Variants in GRID2 observed in about 807,000 individuals in gnomAD.
The protein encoded by GRID2 is glutamate receptor ionotropic, delta-2.
In GRID2, 33 loss-of-function variants were observed where a neutral mutation model predicts 114.8. The observed-to-expected ratio is 0.29, with a 90% CI of 0.22 to 0.38. GRID2 has a LOEUF of 0.38. Among genes scored for constraint, GRID2 ranks in the 10% least tolerant of loss-of-function variants. GRID2 has a pLI of 1.00. For synonymous variants in GRID2, 505 were observed against 449.9 expected, an observed-to-expected ratio of 1.12 and a Z score of -1.55; for missense variants, 1,184 against 1,257.7, an observed-to-expected ratio of 0.94 and a Z score of 0.89.
At chr4:92,724,961 A>C (rs1579920753) in intron 2 of GRID2, among the ~76,000 whole-genome samples, 1 of 152,294 alleles carries the variant, frequency 6.6e-6, no homozygotes, top group East Asian at 1.9e-4. Flanking sequence ...CATGATTGAC[A>C]GTAGCCAAGA....
intron 8 of GRID2, among the ~76,000 whole-genome samples, chr4:93,299,519 G>A (rs904106425): frequency 7.6e-6 from 1 of 131,288 alleles, no homozygotes; most frequent in Admixed American, 8.9e-5. Context: ...ATGGACACAG[G>A]AAGGGGAACA....
intron 1 of GRID2, among the ~76,000 whole-genome samples, chr4:92,410,409 A>G (rs967947034): frequency 1.3e-5 from 2 of 152,212 alleles, no homozygotes; most frequent in South Asian, 4.1e-4. Flanking sequence ...TAGTTGAGAG[A>G]TACAATTCAT....
At chr4:92,383,596 CAT>C (rs1253136643) in intron 1 of GRID2, among the ~76,000 whole-genome samples, 2 of 151,914 alleles carry the variant, frequency 1.3e-5, no homozygotes, top group Non-Finnish European at 2.9e-5. Context: ...TTCTAAATAA[CAT>C]AGTATGTTTT....
At chr4:92,453,409 G>A (rs146829455) in intron 1 of GRID2, among the ~76,000 whole-genome samples, 43 of 152,178 alleles carry the variant, frequency 2.8e-4, no homozygotes, top group African/African-American at 9.9e-4. Context: ...AGCAGAGAAT[G>A]GGTTCATACA....
chr4:92,882,861 C>T (rs184615689), intron 2 of GRID2, among the ~76,000 whole-genome samples: 4 of 152,244 alleles, frequency 2.6e-5, no homozygotes, highest in Admixed American at 2.0e-4. Flanking sequence ...ATAATTTGAG[C>T]CTTCAACAAG....
chr4:93,090,202 G>T (rs1179108499), intron 3 of GRID2, among the ~76,000 whole-genome samples: 2 of 152,104 alleles, frequency 1.3e-5, no homozygotes, highest in Non-Finnish European at 2.9e-5. Context: ...TATTTAAAGA[G>T]ACTATAAACA....
chr4:92,869,549 C>G (rs1213952280), intron 2 of GRID2, among the ~76,000 whole-genome samples: 1 of 152,072 alleles, frequency 6.6e-6, no homozygotes, highest in Admixed American at 6.6e-5. Flanking sequence ...CATGGTAGAT[C>G]TAACATTCTT....
intron 2 of GRID2, among the ~76,000 whole-genome samples, chr4:92,776,202 A>G (rs1738784738): frequency 6.6e-6 from 1 of 152,166 alleles, no homozygotes; most frequent in Non-Finnish European, 1.5e-5. Context: ...TATACTTTGT[A>G]AAATAAATAA....
chr4:93,504,756 T>C (rs1044865077), intron 12 of GRID2, among the ~76,000 whole-genome samples: 1 of 151,904 alleles, frequency 6.6e-6, no homozygotes, highest in African/African-American at 2.4e-5. Context: ...TACCATGACC[T>C]ACTTAGAAGG....
intron 1 of GRID2, among the ~76,000 whole-genome samples, chr4:92,491,346 C>A (rs1374775193): frequency 1.3e-5 from 2 of 152,102 alleles, no homozygotes; most frequent in Non-Finnish European, 2.9e-5. Flanking sequence ...AGCTCCGGTC[C>A]TGTTTTGTGC....
At chr4:93,696,092 T>C (rs990608230) in intron 14 of GRID2, among the ~76,000 whole-genome samples, 3 of 152,240 alleles carry the variant, frequency 2.0e-5, no homozygotes, top group Non-Finnish European at 4.4e-5. Flanking sequence ...TATGAAATTC[T>C]ATTTCCAAAG....
chr4:92,681,886 G>A (rs368057992), intron 2 of GRID2, among the ~76,000 whole-genome samples: 7 of 151,802 alleles, frequency 4.6e-5, no homozygotes, highest in Non-Finnish European at 7.4e-5. Context: ...TTTTCAAAAC[G>A]TTTCCCAGTT....
At chr4:92,641,442 T>C (rs1242089379) in intron 2 of GRID2, among the ~76,000 whole-genome samples, 6 of 125,288 alleles carry the variant, frequency 4.8e-5, no homozygotes, top group Admixed American at 1.7e-4. Flanking sequence ...GCCTGGCCAA[T>C]ATTTTTTTTT....
At chr4:92,542,094 G>T (rs1725994839) in intron 1 of GRID2, among the ~76,000 whole-genome samples, 1 of 152,080 alleles carries the variant, frequency 6.6e-6, no homozygotes, top group South Asian at 2.1e-4. Flanking sequence ...ATTTGAAAAT[G>T]TAGTTCCCAA....
chr4:93,241,473 C>T (rs1410692920), intron 8 of GRID2, among the ~76,000 whole-genome samples: 3 of 151,744 alleles, frequency 2.0e-5, no homozygotes, highest in African/African-American at 7.2e-5. Flanking sequence ...AAACTCCATA[C>T]GTTCCTGGGA....
chr4:93,462,095 A>C (rs970162595), intron 11 of GRID2, among the ~76,000 whole-genome samples: 1 of 152,196 alleles, frequency 6.6e-6, no homozygotes, highest in Non-Finnish European at 1.5e-5. Flanking sequence ...TTTATTTAGC[A>C]GCAAGCATTT....
intron 2 of GRID2, among the ~76,000 whole-genome samples, chr4:92,944,779 CT>C (rs1003768818): frequency 2.0e-5 from 3 of 152,092 alleles, no homozygotes; most frequent in Non-Finnish European, 2.9e-5. Context: ...TTGTAAAACA[CT>C]TTTTTTTCCT....
At chr4:93,198,001 T>C (rs943670036) in intron 4 of GRID2, among the ~76,000 whole-genome samples, 5 of 152,204 alleles carry the variant, frequency 3.3e-5, no homozygotes, top group Admixed American at 3.3e-4. Flanking sequence ...TTCCTTTTTA[T>C]ATGAGCTTAT....
intron 1 of GRID2, among the ~76,000 whole-genome samples, chr4:92,450,803 AAAAT>A (rs778199340): frequency 1.3e-5 from 2 of 149,400 alleles, no homozygotes; most frequent in Non-Finnish European, 3.0e-5. Flanking sequence ...TTTAAATTTA[AAAAT>A]AAATTTTAAT....
Sources: allele counts gnomAD v4.1 joint callset (sites outside exome capture counted in the v4.1 genomes callset), GRCh38; gene constraint gnomAD v4.1.1; transcripts MANE v1.5; gene names NCBI Gene and HGNC (gene_info 2026-07-23, HGNC 2026-07-21).